The following PKHD1 variants were observed in gnomAD, a reference collection of about 807,000 sequenced individuals.
The protein encoded by PKHD1 is PKHD1 ciliary IPT domain containing fibrocystin/polyductin.
A neutral mutation model predicts 412.0 loss-of-function variants in PKHD1; 291 were observed. The ratio of observed to expected loss-of-function variants is 0.71; its 90% CI spans 0.64 to 0.78. The LOEUF (loss-of-function observed/expected upper bound fraction) is 0.78. Among genes scored for constraint, PKHD1 ranks in the 30% least tolerant of loss-of-function variants. The pLI, the probability that PKHD1 is intolerant of heterozygous loss-of-function variation, is 0.00. For missense variants in PKHD1, 4,825 were observed against 4,950.7 expected, an observed-to-expected ratio of 0.97 and a Z score of 0.76; for synonymous variants, 1,777 against 1,821.5, an observed-to-expected ratio of 0.98 and a Z score of 0.62.
intron 60 of PKHD1, among the ~76,000 whole-genome samples, chr6:51,680,077 T>G (rs1288470494): frequency 6.6e-6 from 1 of 152,012 alleles, no homozygotes. Context: ...CTAAGGTGTC[T>G]GTGCCAATTA....
rs1812557531 is a variant in PKHD1, at chr6:52,085,037, GC to G, written c.-84-21del. On this transcript the variant is annotated intron_variant, in intron 1 of 66. Transcript: ENST00000371117. ...TTTGTGCTTTATAAAAACAAAAAAA[GC>G]AAAAAAAAATTATCATTTTGTTTAC... is the stretch of plus-strand genomic sequence containing the variant. 3.6e-6 allele frequency: 3 copies of G among 825,306 alleles called. No individual in the cohort carries two copies. Among genetic ancestry groups the G allele is most frequent in the Non-Finnish European group, 6.3e-6 (3 of 474,684 alleles). 51.1% of individuals were successfully genotyped at this position (825,306 alleles called of 1,614,324 possible).
At chr6:51,792,401 C>T (rs975695559) in intron 52 of PKHD1, among the ~76,000 whole-genome samples, 1 of 152,202 alleles carries the variant, frequency 6.6e-6, no homozygotes, top group Non-Finnish European at 1.5e-5. Context: ...GGAAACAATG[C>T]ACTTGCTCTT....
At chr6:51,843,939 TATATCATATATGTC>T (rs1239728998) in intron 50 of PKHD1, among the ~76,000 whole-genome samples, 2 of 152,204 alleles carry the variant, frequency 1.3e-5, no homozygotes, top group African/African-American at 4.8e-5. Context: ...ACGGGAACAA[TATATCATATATGTC>T]ATATTATGGT....
chr6:52,069,635 T>C (rs1261836658), intron 10 of PKHD1, 108 bp from the exon 11 acceptor site: 3 of 828,540 alleles, frequency 3.6e-6, no homozygotes, highest in Admixed American at 1.7e-5. Context: ...TATTGATCTT[T>C]AGAACAGTTG....
At chr6:51,841,625 T>G (rs2151585241) in intron 50 of PKHD1, among the ~76,000 whole-genome samples, 1 of 152,282 alleles carries the variant, frequency 6.6e-6, no homozygotes, top group African/African-American at 2.4e-5. Context: ...GTAAATTAAT[T>G]TATTAACTAG....
intron 60 of PKHD1, among the ~76,000 whole-genome samples, chr6:51,682,923 G>A (rs1213754530): frequency 6.6e-6 from 1 of 152,002 alleles, no homozygotes; most frequent in African/African-American, 2.4e-5. Context: ...CTAATACAGG[G>A]AGAATACATA....
chr6:51,729,376 A>G (rs1782969385), intron 60 of PKHD1, among the ~76,000 whole-genome samples: 5 of 152,232 alleles, frequency 3.3e-5, no homozygotes, highest in Admixed American at 3.3e-4. Flanking sequence ...AGTTTTCCAT[A>G]TAAATGAGTT....
intron 52 of PKHD1, among the ~76,000 whole-genome samples, chr6:51,809,459 C>A (rs768488076): frequency 2.6e-5 from 4 of 152,022 alleles, no homozygotes; most frequent in Admixed American, 6.6e-5. Context: ...TTTATCTAGA[C>A]CAATCCTCCC....
At chr6:51,996,614 T>C (rs1797746386) in intron 35 of PKHD1, among the ~76,000 whole-genome samples, 1 of 152,244 alleles carries the variant, frequency 6.6e-6, no homozygotes, top group Admixed American at 6.5e-5. Flanking sequence ...GGTTGTTTGT[T>C]TGTTAAAAGC....
intron 27 of PKHD1, among the ~76,000 whole-genome samples, chr6:52,040,217 C>A (rs890744917): frequency 6.6e-6 from 1 of 152,166 alleles, no homozygotes; most frequent in Non-Finnish European, 1.5e-5. Flanking sequence ...CTGAAGACTG[C>A]TAAGTTTATA....
chr6:51,714,106 T>TCA (rs1780967115), intron 60 of PKHD1, among the ~76,000 whole-genome samples: 1 of 152,110 alleles, frequency 6.6e-6, no homozygotes, highest in Admixed American at 6.5e-5. Context: ...GAACAGTGGC[T>TCA]CAGGCCTGTA....
chr6:52,057,783 C>G (rs1387507173), intron 16 of PKHD1, among the ~76,000 whole-genome samples: 1 of 152,124 alleles, frequency 6.6e-6, no homozygotes. Flanking sequence ...ACATGTTTTA[C>G]TTTTAGACTG....
chr6:51,707,877 C>T (rs1780199580), intron 60 of PKHD1, among the ~76,000 whole-genome samples: 1 of 152,110 alleles, frequency 6.6e-6, no homozygotes, highest in South Asian at 2.1e-4. Flanking sequence ...CTGTATTCCT[C>T]CTATATGTCT....
At chr6:51,660,010 T>C (rs777988857) in intron 60 of PKHD1, 41 bp from the exon 61 acceptor site, 3 of 1,196,462 alleles carry the variant, frequency 2.5e-6, no homozygotes, top group Non-Finnish European at 1.2e-6. Flanking sequence ...ATATGAATTA[T>C]AATCTGTCAA....
chr6:51,747,139 T>A (rs1785299758), intron 58 of PKHD1, among the ~76,000 whole-genome samples: 1 of 152,186 alleles, frequency 6.6e-6, no homozygotes, highest in Non-Finnish European at 1.5e-5. Flanking sequence ...GCTTTTCATT[T>A]GAGGCTTAAT....
intron 60 of PKHD1, among the ~76,000 whole-genome samples, chr6:51,679,634 T>TA (rs1776358376): frequency 6.6e-6 from 1 of 151,968 alleles, no homozygotes; most frequent in African/African-American, 2.4e-5. Flanking sequence ...GTCAAGAATT[T>TA]CCAAGGAAGC....
chr6:51,754,312 G>A (rs1353907117), intron 56 of PKHD1, among the ~76,000 whole-genome samples: 1 of 152,080 alleles, frequency 6.6e-6, no homozygotes, highest in Non-Finnish European at 1.5e-5. Flanking sequence ...AATAGTAGTA[G>A]TTAATACATA....
intron 52 of PKHD1, among the ~76,000 whole-genome samples, chr6:51,802,271 C>T (rs1410359638): frequency 1.3e-5 from 2 of 149,568 alleles, no homozygotes; most frequent in African/African-American, 5.1e-5. Context: ...AACAAAAAAC[C>T]TAGACCTTGC....
At chr6:51,810,485 T>C (rs997744840) in intron 52 of PKHD1, among the ~76,000 whole-genome samples, 6 of 152,324 alleles carry the variant, frequency 3.9e-5, no homozygotes, top group African/African-American at 1.4e-4. Context: ...TTACCCTCAG[T>C]ATCCCAAGTT....
Sources: gnomAD v4.1 joint callset for allele counts (sites outside exome capture counted in the v4.1 genomes callset) on GRCh38, gnomAD v4.1.1 for gene constraint, MANE v1.5 for transcripts, NCBI Gene and HGNC (gene_info 2026-07-23, HGNC 2026-07-21) for gene names.